Variants in TANC1 observed in about 807,000 individuals in gnomAD.
TANC1 encodes protein TANC1.
TANC1 carries 77 observed loss-of-function variants against 149.7 expected under a neutral mutation model. That is an observed-to-expected ratio of 0.51 (90% CI 0.43 to 0.62). The LOEUF is 0.62. TANC1 is among the 20% of genes least tolerant of loss of function. The pLI is 0.00. For synonymous variants in TANC1, 854 were observed against 925.0 expected (o/e 0.92, Z 1.39); for missense variants, 1,985 against 2,321.8 (o/e 0.85, Z 2.98).
At chr2:159,006,780 T>C (rs1033581924) in intron 2 of TANC1, among the ~76,000 whole-genome samples, 2 of 152,242 alleles carry the variant, frequency 1.3e-5, no homozygotes, top group Non-Finnish European at 1.5e-5. Flanking sequence ...CAGAAAGTTA[T>C]ATTGTTAGAC....
Position 159,175,069 on chromosome 2 carries a change from CCTT to C in TANC1, c.1623_1625del (p.Leu542del), listed in dbSNP as rs762867751. On this transcript the variant is annotated inframe_deletion, in exon 12 of 27. Coordinates refer to ENST00000263635, the MANE Select transcript of TANC1 (RefSeq NM_033394.3). ...CCCATCAGCTGGCCGCCTACAGAGACCTTCTGATAAAGGAGCCCCAACTACAGA... is the reference window on the plus strand; with the variant it reads ...CCCATCAGCTGGCCGCCTACAGAGACCTGATAAAGGAGCCCCAACTACAGA... The C allele has an allele frequency of 6.2e-7, 1 of 1,614,192 alleles. No homozygotes were observed.
intron 5 of TANC1, among the ~76,000 whole-genome samples, chr2:159,144,254 A>G (rs1475154530): frequency 1.3e-5 from 2 of 152,220 alleles, no homozygotes; most frequent in East Asian, 3.8e-4. Context: ...GATAATTTCA[A>G]TATGGGGTGG....
At chr2:159,136,956 G>T (rs1165401670) in intron 5 of TANC1, among the ~76,000 whole-genome samples, 1 of 152,062 alleles carries the variant, frequency 6.6e-6, no homozygotes, top group Admixed American at 6.5e-5. Context: ...TTTCCTGTTT[G>T]TTCCTTTCTG....
At chr2:159,195,889 A>T (rs992773239) in intron 17 of TANC1, among the ~76,000 whole-genome samples, 1 of 152,234 alleles carries the variant, frequency 6.6e-6, no homozygotes, top group Admixed American at 6.5e-5. Context: ...GTTGGCAGGC[A>T]TGCAAGGCTA....
chr2:159,220,711 C>A lies in TANC1; in HGVS notation c.3678+844C>A, dbSNP rs548676529. ...TCTCAAGAGGTCCTCCCACCTCAGCCCCCTGAGTAGCTGGGAATACAGGCA... is the reference window on the plus strand; with the variant it reads ...TCTCAAGAGGTCCTCCCACCTCAGCACCCTGAGTAGCTGGGAATACAGGCA... On this transcript the variant is annotated intron_variant, in intron 22 of 26. Transcript: ENST00000263635. Among the ~76,000 whole-genome samples, 4 of 152,146 alleles carry A rather than the reference C, an allele frequency of 2.6e-5. No individual in the cohort carries two copies. The South Asian group carries it at 8.3e-4, about 32-fold the overall frequency.
At chr2:159,196,120 T>G (rs1311545272) in intron 17 of TANC1, among the ~76,000 whole-genome samples, 1 of 152,218 alleles carries the variant, frequency 6.6e-6, no homozygotes, top group African/African-American at 2.4e-5. Context: ...CCACTTGGAC[T>G]CCTTTCCTGC....
chr2:159,136,047 T>TGTGTGTGTGC (rs1457762905), intron 4 of TANC1, 147 bp from the exon 5 acceptor site: 13,179 of 210,650 alleles, frequency 0.063, 1,879 homozygotes, highest in Non-Finnish European at 0.077. Flanking sequence ...TGTGTGTGTG[T>TGTGTGTGTGC]GTGCGCGCGC....
intron 2 of TANC1, among the ~76,000 whole-genome samples, chr2:159,053,695 G>A (rs1033482158): frequency 6.6e-6 from 1 of 152,110 alleles, no homozygotes; most frequent in Non-Finnish European, 1.5e-5. Context: ...GCAGTTTTCT[G>A]GGTTTTTCAT....
Position 159,091,225 on chromosome 2 carries a change from T to A in TANC1, c.62-6412T>A, listed in dbSNP as rs137919457. On this transcript the variant is annotated intron_variant, in intron 3 of 26. Coordinates refer to ENST00000263635, the MANE Select transcript of TANC1 (RefSeq NM_033394.3). The stretch of plus-strand genomic sequence containing the variant: ...TGCCTGGGTTCAGACTCAGCTCTGA[T>A]ATATGCCAGAGTGGCCTTGGGCAAG... Among the ~76,000 whole-genome samples, 11 of 152,336 alleles carry A rather than the reference T, an allele frequency of 7.2e-5. No homozygotes were observed. In the East Asian group the frequency reaches 2.1e-3, roughly 29 times the overall value.
intron 2 of TANC1, among the ~76,000 whole-genome samples, chr2:159,060,436 G>A (rs1254191429): frequency 6.6e-6 from 1 of 152,178 alleles, no homozygotes; most frequent in East Asian, 1.9e-4. Context: ...AAGAGATATT[G>A]CTAAATGCAG....
rs1230434810 is a variant in TANC1, at chr2:159,179,040, A to T, written c.2387A>T (p.Asp796Val). The change falls in exon 14 of 27, where the codon GAC becomes GTC. Residue 796 changes from aspartate to valine, a missense_variant. By Grantham distance (152) the Asp-to-Val change is radical (BLOSUM62 -3). Transcript: ENST00000263635. ...QGWEDFQQRM[D>V]ALSCFLIKRR... The stretch of plus-strand genomic sequence containing the variant: ...TGGGAAGACTTTCAGCAGAGGATGG[A>T]CGCCCTCTCCTGCTTCCTCATTAAG... 1 of 1,613,834 alleles carries T rather than the reference A, an allele frequency of 6.2e-7. No homozygotes were observed. Among genetic ancestry groups the T allele is most frequent in the Non-Finnish European group, 8.5e-7 (1 of 1,180,002 alleles).
chr2:159,159,792 A>C lies in TANC1; in HGVS notation c.683-3491A>C, dbSNP rs2053855328. ...TTCTCTGGAGCCTTTTATCTCTATAAGGTGGGGTTGATGGTTCTCAGCCTA... is the reference window on the plus strand; with the variant it reads ...TTCTCTGGAGCCTTTTATCTCTATACGGTGGGGTTGATGGTTCTCAGCCTA... On this transcript the variant is annotated intron_variant, in intron 7 of 26. Coordinates refer to ENST00000263635, the MANE Select transcript of TANC1 (RefSeq NM_033394.3). Among the ~76,000 whole-genome samples, 7 of 145,822 alleles carry C rather than the reference A, an allele frequency of 4.8e-5. No individual in the cohort carries two copies. In the South Asian group the frequency reaches 1.5e-3, roughly 32 times the overall value.
chr2:159,015,751 G>A (rs188185343), intron 2 of TANC1, among the ~76,000 whole-genome samples: 10 of 152,280 alleles, frequency 6.6e-5, no homozygotes, highest in African/African-American at 2.2e-4. Context: ...CTCTAGGGCA[G>A]GGGCAAAATG....
chr2:159,161,316 A>G (rs1398074693), intron 7 of TANC1, among the ~76,000 whole-genome samples: 2 of 152,244 alleles, frequency 1.3e-5, no homozygotes, highest in African/African-American at 2.4e-5. Flanking sequence ...AAATAAAACC[A>G]AACAAATCCC....
intron 7 of TANC1, among the ~76,000 whole-genome samples, chr2:159,159,711 T>TGAGA (rs1345920789): frequency 1.5e-5 from 1 of 64,624 alleles, no homozygotes; most frequent in Admixed American, 1.6e-4. Flanking sequence ...TGTGTGTGTG[T>TGAGA]GTGTGTGAGA....
At chr2:159,122,710 TAATGC>T (rs900279058) in intron 4 of TANC1, among the ~76,000 whole-genome samples, 9 of 152,084 alleles carry the variant, frequency 5.9e-5, no homozygotes, top group Non-Finnish European at 8.8e-5. Flanking sequence ...TCGCTTAGCC[TAATGC>T]AGTTGATTCA....
At chr2:159,067,197 G>T (rs2042747078) in intron 3 of TANC1, among the ~76,000 whole-genome samples, 2 of 152,162 alleles carry the variant, frequency 1.3e-5, no homozygotes, top group Admixed American at 1.3e-4. Context: ...ACTTATATAA[G>T]AGAATAAGTG....
intron 3 of TANC1, among the ~76,000 whole-genome samples, chr2:159,095,995 G>T (rs1328766191): frequency 6.6e-6 from 1 of 152,052 alleles, no homozygotes; most frequent in Non-Finnish European, 1.5e-5. Flanking sequence ...TTGATTGTGT[G>T]TGTGTATGTG....
chr2:159,144,339 T>G (rs530360133), intron 5 of TANC1, among the ~76,000 whole-genome samples: 13 of 152,296 alleles, frequency 8.5e-5, no homozygotes, highest in African/African-American at 2.4e-4. Context: ...AACAAATTAT[T>G]GACAGAAACA....
Sources: allele counts gnomAD v4.1 joint callset (sites outside exome capture counted in the v4.1 genomes callset), GRCh38; gene constraint gnomAD v4.1.1; transcripts MANE v1.5; gene names NCBI Gene and HGNC (gene_info 2026-07-23, HGNC 2026-07-21).